Variants in WDPCP observed in about 807,000 individuals in gnomAD.
WDPCP encodes WD repeat-containing and planar cell polarity effector protein fritz homolog.
In WDPCP, 71 loss-of-function variants were observed where a neutral mutation model predicts 93.1. The ratio of observed to expected loss-of-function variants is 0.76; its 90% CI spans 0.63 to 0.93. WDPCP has a LOEUF of 0.93. Ranked by LOEUF, WDPCP falls within the 40% of genes least tolerant of loss-of-function variation. WDPCP has a pLI of 0.00. For synonymous variants in WDPCP, 315 were observed against 315.0 expected (o/e 1.00, Z 0.00); for missense variants, 844 against 887.4 (o/e 0.95, Z 0.62).
At chr2:63,777,500 A>G (rs1406766152) in intron 2 of WDPCP, among the ~76,000 whole-genome samples, 2 of 152,216 alleles carry the variant, frequency 1.3e-5, no homozygotes, top group Non-Finnish European at 2.9e-5. Flanking sequence ...TAATAGCCCA[A>G]AACTGGAAAC....
chr2:63,577,259 T>C (rs1017128881), intron 1 of WDPCP, among the ~76,000 whole-genome samples: 9 of 152,328 alleles, frequency 5.9e-5, no homozygotes, highest in African/African-American at 2.2e-4. Context: ...CTGGCTGGCC[T>C]GGGCTTGTTG....
At chr2:63,484,355 C>T (rs1223963553) in intron 6 of WDPCP, among the ~76,000 whole-genome samples, 4 of 151,856 alleles carry the variant, frequency 2.6e-5, no homozygotes, top group African/African-American at 9.7e-5. Flanking sequence ...CAAAAAAATA[C>T]AATATGAAAA....
chr2:63,201,686 C>T (rs1437943830), intron 14 of WDPCP, among the ~76,000 whole-genome samples: 2 of 152,086 alleles, frequency 1.3e-5, no homozygotes, highest in Non-Finnish European at 2.9e-5. Context: ...GGGGGGAGCA[C>T]TTTAAGTTTC....
At chr2:63,628,260 C>T (rs767642964) in intron 3 of WDPCP, among the ~76,000 whole-genome samples, 1 of 152,036 alleles carries the variant, frequency 6.6e-6, no homozygotes, top group Admixed American at 6.5e-5. Flanking sequence ...TATTTTATAG[C>T]GATAAAAAAT....
rs1375462487 is a variant in WDPCP, at chr2:63,594,355, G to A, written n.488+56304C>T. 1.4e-5 allele frequency: 11 copies of A among 775,618 alleles called. No homozygotes were observed. In the South Asian group the frequency reaches 1.5e-4, roughly 10 times the overall value. 48.0% of individuals were successfully genotyped at this position (775,618 alleles called of 1,614,324 possible). A position where few individuals can be genotyped will look rare whatever the true frequency, so the allele number is the denominator to read the frequency against. Reference sequence around the variant, plus strand: ...ATGCAGCACATTCATTTTCTACTGAGCCAGATGCAAAAGGACTTTAAAATT... The same window carrying A: ...ATGCAGCACATTCATTTTCTACTGAACCAGATGCAAAAGGACTTTAAAATT... On this transcript the variant is annotated intron_variant and non_coding_transcript_variant, in intron 3 of 4. Coordinates refer to the WDPCP transcript ENST00000467687.
intron 6 of WDPCP, among the ~76,000 whole-genome samples, chr2:63,462,497 A>G (rs1477198270): frequency 1.3e-5 from 2 of 152,210 alleles, no homozygotes; most frequent in African/African-American, 4.8e-5. Flanking sequence ...CTTAATGTAT[A>G]ATAAAAAATA....
At chr2:63,253,969 T>C (rs929808401) in intron 14 of WDPCP, among the ~76,000 whole-genome samples, 13 of 152,022 alleles carry the variant, frequency 8.6e-5, no homozygotes, top group African/African-American at 1.2e-4. Context: ...AGCAAAGACA[T>C]GGAATCAACC....
At chr2:63,817,362 C>T (rs780514727) in intron 1 of WDPCP, among the ~76,000 whole-genome samples, 1 of 152,138 alleles carries the variant, frequency 6.6e-6, no homozygotes, top group Non-Finnish European at 1.5e-5. Flanking sequence ...CCTGTCTTGG[C>T]CTCCCAAAGT....
intron 1 of WDPCP, among the ~76,000 whole-genome samples, chr2:63,537,082 C>A (rs1390664998): frequency 6.6e-6 from 1 of 152,114 alleles, no homozygotes; most frequent in Non-Finnish European, 1.5e-5. Context: ...ATTTCTAAAG[C>A]TGAATTCACA....
intron 6 of WDPCP, among the ~76,000 whole-genome samples, chr2:63,460,071 T>C (rs1265014973): frequency 1.3e-5 from 2 of 152,158 alleles, no homozygotes; most frequent in African/African-American, 2.4e-5. Context: ...AGCAAAGATA[T>C]GGAATCAATC....
intron 2 of WDPCP, among the ~76,000 whole-genome samples, chr2:63,712,426 T>G (rs1381725559): frequency 6.6e-6 from 1 of 152,224 alleles, no homozygotes; most frequent in Non-Finnish European, 1.5e-5. Flanking sequence ...TCAACTCCCA[T>G]AGCAAGAATA....
intron 2 of WDPCP, among the ~76,000 whole-genome samples, chr2:63,710,682 G>A (rs550847209): frequency 6.6e-6 from 1 of 152,318 alleles, no homozygotes; most frequent in South Asian, 2.1e-4. Flanking sequence ...GTGAATATTA[G>A]ACCATTTTGC....
chr2:63,464,255 A>G (rs1368223271), intron 6 of WDPCP, among the ~76,000 whole-genome samples: 1 of 152,196 alleles, frequency 6.6e-6, no homozygotes, highest in Non-Finnish European at 1.5e-5. Context: ...CAACAAGCAT[A>G]TGAAAAGATA....
intron 12 of WDPCP, among the ~76,000 whole-genome samples, chr2:63,314,184 CTTTT>C (rs56991037): frequency 6.7e-6 from 1 of 148,886 alleles, no homozygotes; most frequent in African/African-American, 2.5e-5. Context: ...GCCCCATCTT[CTTTT>C]TTTTTTAATA....
chr2:63,656,238 A>C (rs1024082685), intron 2 of WDPCP, among the ~76,000 whole-genome samples: 2 of 152,204 alleles, frequency 1.3e-5, no homozygotes, highest in African/African-American at 2.4e-5. Flanking sequence ...TTGCTGCAAC[A>C]ACCTGTCTAC....
In WDPCP at chr2:63,313,230, TCTCTG is replaced by T; in HGVS notation, c.1812+13_1812+17del. The T allele has an allele frequency of 6.2e-7, 1 of 1,612,268 alleles. No individual in the cohort carries two copies. Among genetic ancestry groups the T allele is most frequent in the South Asian group, 1.1e-5 (1 of 90,966 alleles). On this transcript the variant is annotated intron_variant, in intron 13 of 17. Coordinates refer to ENST00000272321, the MANE Select transcript of WDPCP (RefSeq NM_015910.7). ...CCTTAGAACTGAAGGCACAAAATCA[TCTCTG>T]AAAATGACTCACCATAAAGAGGTCA...
At chr2:63,681,139 C>G (rs914701008) in intron 2 of WDPCP, among the ~76,000 whole-genome samples, 1 of 152,104 alleles carries the variant, frequency 6.6e-6, no homozygotes, top group African/African-American at 2.4e-5. Context: ...GTGAGAGGCT[C>G]CTTCTGCTTG....
At chr2:63,316,116 A>G (rs189260797) in intron 12 of WDPCP, among the ~76,000 whole-genome samples, 3 of 152,274 alleles carry the variant, frequency 2.0e-5, no homozygotes, top group African/African-American at 7.2e-5. Context: ...TAAATTATGT[A>G]TAAGTCAGGA....
chr2:63,544,858 A>C (rs1705018648), intron 1 of WDPCP, among the ~76,000 whole-genome samples: 1 of 152,188 alleles, frequency 6.6e-6, no homozygotes, highest in Admixed American at 6.5e-5. Flanking sequence ...TATTATATGA[A>C]ATTTAAAATA....
Sources: allele counts gnomAD v4.1 joint callset (sites outside exome capture counted in the v4.1 genomes callset), GRCh38; gene constraint gnomAD v4.1.1; transcripts MANE v1.5; gene names NCBI Gene and HGNC (gene_info 2026-07-23, HGNC 2026-07-21).